Variants in EHBP1 observed in about 807,000 individuals in gnomAD.
The protein encoded by EHBP1 is EH domain-binding protein 1.
In EHBP1, 55 loss-of-function variants were observed where a neutral mutation model predicts 144.0. The ratio of observed to expected loss-of-function variants is 0.38; its 90% CI spans 0.31 to 0.48. EHBP1 has a LOEUF of 0.48. Among genes scored for constraint, EHBP1 ranks in the 20% least tolerant of loss-of-function variants. EHBP1 has a pLI of 0.98. For synonymous variants in EHBP1, 469 were observed against 472.7 expected (o/e 0.99, Z 0.10); for missense variants, 1,200 against 1,364.2 (o/e 0.88, Z 1.90).
At chr2:62,783,557 C>T (rs984991748) in intron 5 of EHBP1, among the ~76,000 whole-genome samples, 3 of 152,234 alleles carry the variant, frequency 2.0e-5, no homozygotes, top group South Asian at 2.1e-4. Flanking sequence ...ATTCACAGGC[C>T]CAACACCACG....
chr2:62,842,004 C>A (rs1488325529), intron 7 of EHBP1, among the ~76,000 whole-genome samples: 1 of 152,010 alleles, frequency 6.6e-6, no homozygotes, highest in Non-Finnish European at 1.5e-5. Flanking sequence ...GAGCCTGTTC[C>A]ATGTAATGGT....
At chr2:62,828,908 A>T (rs1337883653) in intron 6 of EHBP1, among the ~76,000 whole-genome samples, 1 of 152,108 alleles carries the variant, frequency 6.6e-6, no homozygotes, top group Non-Finnish European at 1.5e-5. Context: ...AGGTGGGACA[A>T]TCACTTGAGA....
At position 62,881,417 on chromosome 2, in the gene EHBP1, G is replaced by GA. The variant is rs2051404254; in HGVS notation, c.1185+6885_1185+6886insA. The stretch of plus-strand genomic sequence containing the variant: ...GTAATACAAGTTGGAAAGGAAAAAC[G>GA]GAAAAAAAAAAAAAAAAAAAAAGAA... On this transcript the variant is annotated intron_variant, in intron 10 of 22. Coordinates refer to ENST00000431489, the MANE Select transcript of EHBP1 (RefSeq NM_001142616.3). Among the ~76,000 whole-genome samples, 8 of 83,242 alleles carry GA rather than the reference G, an allele frequency of 9.6e-5. No individual in the cohort carries two copies. In the South Asian group the frequency reaches 2.2e-3, roughly 22 times the overall value. The allele number at this position is 83,242 out of a possible 152,430, so 54.6% of individuals were successfully genotyped here.
intron 19 of EHBP1, among the ~76,000 whole-genome samples, chr2:63,021,298 G>T (rs1370188988): frequency 6.6e-6 from 1 of 151,932 alleles, no homozygotes. Flanking sequence ...TTGACATAAG[G>T]CTAGAGAATT....
Position 62,943,015 on chromosome 2 carries a change from T to C in EHBP1, c.1364+119T>C, listed in dbSNP as rs112360213. 7.8e-4 allele frequency: 585 copies of C among 749,898 alleles called. 1 individual carries two copies. In the African/African-American group the frequency reaches 9.6e-3, roughly 12 times the overall value. The allele number at this position is 749,898 out of a possible 1,614,324, so 46.5% of individuals were successfully genotyped here. On this transcript the variant is annotated intron_variant, in intron 11 of 22. Transcript: ENST00000431489. ...TTTATATTTGTTTTATTACCCCACC[T>C]CTTGCTTTTGAGAGATATATGTCAG...
At chr2:62,681,468 G>A (rs1337087331) in intron 1 of EHBP1, among the ~76,000 whole-genome samples, 1 of 149,996 alleles carries the variant, frequency 6.7e-6, no homozygotes, top group East Asian at 1.9e-4. Flanking sequence ...ACTAAGCAGT[G>A]GTCTAAGTTA....
rs1412390469 is a variant in EHBP1 at position 62,807,571 on chromosome 2, T to C, written c.313-18516T>C. Among the ~76,000 whole-genome samples, 11 of 151,918 alleles carry C rather than the reference T, an allele frequency of 7.2e-5. No individual in the cohort carries two copies. The East Asian group carries it at 2.1e-3, about 29-fold the overall frequency. The stretch of plus-strand genomic sequence containing the variant: ...CTCAAAAAAAACAAAAAAAGAAAAA[T>C]GTTAATTTTACCTTCATTTATTTCT... On this transcript the variant is annotated intron_variant, in intron 5 of 22. Transcript: ENST00000431489.
intron 10 of EHBP1, among the ~76,000 whole-genome samples, chr2:62,912,133 A>C (rs866539864): frequency 6.6e-6 from 1 of 152,132 alleles, no homozygotes. Flanking sequence ...AACCATCTCT[A>C]TGAGTGATAT....
intron 1 of EHBP1, among the ~76,000 whole-genome samples, chr2:62,687,228 A>T (rs919102691): frequency 6.6e-6 from 1 of 152,178 alleles, no homozygotes; most frequent in African/African-American, 2.4e-5. Context: ...TTCCCCTTTA[A>T]TTTATAAGAT....
chr2:63,026,572 T>C (rs769922112), intron 19 of EHBP1, among the ~76,000 whole-genome samples: 4 of 152,160 alleles, frequency 2.6e-5, no homozygotes, highest in Non-Finnish European at 5.9e-5. Flanking sequence ...ATATAGCTCT[T>C]AAAGAGCATA....
chr2:62,778,830 GA>G (rs1018503071), intron 5 of EHBP1, among the ~76,000 whole-genome samples: 6 of 151,010 alleles, frequency 4.0e-5, no homozygotes, highest in Admixed American at 2.0e-4. Flanking sequence ...TTCTTTCAGA[GA>G]AAAAAAGTAT....
chr2:62,819,263 A>G (rs1358572507), intron 5 of EHBP1, among the ~76,000 whole-genome samples: 1 of 152,220 alleles, frequency 6.6e-6, no homozygotes, highest in East Asian at 1.9e-4. Flanking sequence ...AATCTAAAGA[A>G]TGTGGGAGAA....
intron 10 of EHBP1, among the ~76,000 whole-genome samples, chr2:62,903,742 G>A (rs2053585378): frequency 6.6e-6 from 1 of 151,720 alleles, no homozygotes; most frequent in Admixed American, 6.6e-5. Context: ...CTCCAGCCTG[G>A]CCAATAGAGT....
chr2:62,910,437 A>C lies in EHBP1; in HGVS notation c.1186-32281A>C, dbSNP rs1302096171. ...TTTTAAATGGTGGTTTTATGACTTA[A>C]ACCATCGTGTTAAATTTTTTAATAA... On this transcript the variant is annotated intron_variant, in intron 10 of 22. Coordinates refer to ENST00000431489, the MANE Select transcript of EHBP1 (RefSeq NM_001142616.3). 3.3e-5 allele frequency among the ~76,000 whole-genome samples: 5 copies of C among 152,148 alleles called. No homozygotes were observed. In the East Asian group the frequency reaches 9.6e-4, roughly 29 times the overall value.
intron 10 of EHBP1, among the ~76,000 whole-genome samples, chr2:62,878,878 TGTG>T (rs1573862320): frequency 1.3e-5 from 2 of 151,176 alleles, no homozygotes; most frequent in African/African-American, 2.4e-5. Context: ...ATTAGCCAGG[TGTG>T]GTGGTGGGCG....
intron 10 of EHBP1, among the ~76,000 whole-genome samples, chr2:62,883,779 T>C (rs1216005239): frequency 1.3e-5 from 2 of 152,130 alleles, no homozygotes; most frequent in Non-Finnish European, 2.9e-5. Context: ...GCTTGGGCAA[T>C]ATAGTGAGAC....
intron 8 of EHBP1, among the ~76,000 whole-genome samples, chr2:62,863,143 C>T (rs934695953): frequency 1.5e-4 from 23 of 151,796 alleles, no homozygotes; most frequent in Non-Finnish European, 2.4e-4. Flanking sequence ...ATTAGCCAGG[C>T]GTGGTGGCGC....
intron 19 of EHBP1, among the ~76,000 whole-genome samples, chr2:63,032,320 G>C (rs1352485016): frequency 1.3e-5 from 2 of 151,124 alleles, no homozygotes; most frequent in African/African-American, 4.9e-5. Context: ...TGTAATCCCA[G>C]CGTTTTGGGA....
intron 10 of EHBP1, among the ~76,000 whole-genome samples, chr2:62,935,534 T>C (rs2056326403): frequency 6.6e-6 from 1 of 151,944 alleles, no homozygotes; most frequent in Admixed American, 6.6e-5. Context: ...GGAATACAGT[T>C]GGTTTTGTAC....
Sources: allele counts gnomAD v4.1 joint callset (sites outside exome capture counted in the v4.1 genomes callset), GRCh38; gene constraint gnomAD v4.1.1; transcripts MANE v1.5; gene names NCBI Gene and HGNC (gene_info 2026-07-23, HGNC 2026-07-21).